ANK2: variants seen among roughly 807,000 people sequenced by gnomAD.
The protein encoded by ANK2 is ankyrin 2.
In ANK2, 83 loss-of-function variants were observed where a neutral mutation model predicts 360.5. The observed-to-expected ratio is 0.23, with a 90% confidence interval of 0.19 to 0.28. The LOEUF (loss-of-function observed/expected upper bound fraction) is 0.28, where lower values mean the gene tolerates loss of function less well. Among genes scored for constraint, ANK2 ranks in the 10% least tolerant of loss-of-function variants. ANK2 has a pLI of 1.00. For missense variants in ANK2, 4,201 were observed against 4,795.7 expected (o/e 0.88, Z 3.66); for synonymous variants, 1,740 against 1,759.5 (o/e 0.99, Z 0.28).
At position 113,287,691 on chromosome 4, in the gene ANK2, T is replaced by C. The variant is rs770403560; in HGVS notation, c.2166T>C (p.Asp722=). Residue 722 remains aspartate (D), a synonymous_variant, in exon 19 of 46, where the codon GAT becomes GAC. Coordinates refer to ENST00000357077, the MANE Select transcript of ANK2 (RefSeq NM_001148.6). ...DILTKHGADQ[D]AHTKLGYTPL... ...TCACCAAGCATGGAGCTGATCAGGA[T>C]GCTCATACAAAGGTAAAGCAAATCA... is the stretch of plus-strand genomic sequence containing the variant. The C allele has an allele frequency of 1.2e-6, 2 of 1,610,596 alleles. No individual in the cohort carries two copies. Among genetic ancestry groups the C allele is most frequent in the South Asian group, 1.1e-5 (1 of 91,014 alleles).
At chr4:113,247,535 A>G (rs1481903660) in intron 9 of ANK2, among the ~76,000 whole-genome samples, 1 of 152,220 alleles carries the variant, frequency 6.6e-6, no homozygotes, top group Non-Finnish European at 1.5e-5. Context: ...TGGATGTTTC[A>G]ACATGATTAC....
Position 112,852,608 on chromosome 4 carries a change from C to T in ANK2, c.-40+34344C>T, listed in dbSNP as rs112664161. Among the ~76,000 whole-genome samples the T allele has an allele frequency of 6.1e-3, 922 of 152,174 alleles. 7 individuals carry two copies. Among genetic ancestry groups the T allele is most frequent in the African/African-American group, 0.021 (862 of 41,526 alleles). On this transcript the variant is annotated intron_variant, in intron 1 of 30. Coordinates refer to the ANK2 transcript ENST00000503271. ...GAAGTTAAATATCTAGGGGAAGATA[C>T]GAGTCTTAAAAAACAACAAACATTT...
At chr4:112,745,266 C>CT in the ANK2 span, among the ~76,000 whole-genome samples, 876 of 152,188 alleles carry the variant, frequency 5.8e-3, 10 homozygotes, top group Non-Finnish European at 8.6e-3. Context: ...AACTATCATT[C>CT]TTTTTTAAAT....
chr4:113,081,811 AT>A (rs34896741), intron 1 of ANK2, among the ~76,000 whole-genome samples: 2,534 of 143,170 alleles, frequency 0.018, 40 homozygotes, highest in African/African-American at 0.045. Context: ...GAAAACACGT[AT>A]TTTTTTTTTT....
chr4:113,248,095 A>G (rs142473850), intron 9 of ANK2, among the ~76,000 whole-genome samples: 18 of 152,328 alleles, frequency 1.2e-4, no homozygotes, highest in Admixed American at 3.3e-4. Context: ...TAGGTACCCA[A>G]AACTGCAAAA....
chr4:112,842,551 C>T (rs921942018), intron 1 of ANK2, among the ~76,000 whole-genome samples: 11 of 152,204 alleles, frequency 7.2e-5, no homozygotes, highest in African/African-American at 2.7e-4. Context: ...CACAGATCAT[C>T]AGGCATTAGT....
chr4:113,358,912 G>A lies in ANK2; in HGVS notation c.10294G>A (p.Ala3432Thr). 2.5e-6 allele frequency: 4 copies of A among 1,613,770 alleles called. No homozygotes were observed. The highest frequency in any genetic ancestry group is 3.4e-6 in the Non-Finnish European group (4 of 1,179,872). Residue 3432 changes from alanine to threonine, a missense_variant, in exon 38 of 46, where the codon GCC becomes ACC. Coordinates refer to ENST00000357077, the MANE Select transcript of ANK2 (RefSeq NM_001148.6). ...ACTTGAGTTAGAATCAGAAGAAGGGGCCACAAGACCAAAGATACTTACATC... is the reference window on the plus strand; with the variant it reads ...ACTTGAGTTAGAATCAGAAGAAGGGACCACAAGACCAAAGATACTTACATC... ...EELELESEEG[A>T]TRPKILTSRL... is the part of the protein sequence containing the mutation.
At chr4:113,144,263 G>C (rs1309171404) in intron 1 of ANK2, among the ~76,000 whole-genome samples, 1 of 152,116 alleles carries the variant, frequency 6.6e-6, no homozygotes, top group African/African-American at 2.4e-5. Context: ...ATAAACGCTG[G>C]AATGAAGAGT....
the ANK2 span, among the ~76,000 whole-genome samples, chr4:112,795,085 A>G: frequency 2.0e-5 from 3 of 152,142 alleles, no homozygotes; most frequent in Admixed American, 2.0e-4. Flanking sequence ...CTTCTTTTGG[A>G]TTCCTTTGGA....
chr4:112,729,500 A>G, the ANK2 span, among the ~76,000 whole-genome samples: 4 of 152,180 alleles, frequency 2.6e-5, no homozygotes, highest in African/African-American at 9.6e-5. Context: ...TAAGGCCTAT[A>G]ATCCCAGCAC....
chr4:112,892,665 A>G (rs2080420993), intron 1 of ANK2, among the ~76,000 whole-genome samples: 1 of 152,224 alleles, frequency 6.6e-6, no homozygotes, highest in Non-Finnish European at 1.5e-5. Context: ...ATGTACTGCT[A>G]TTAGAAAATA....
the ANK2 span, among the ~76,000 whole-genome samples, chr4:112,725,561 T>C: frequency 1.3e-5 from 2 of 151,966 alleles, no homozygotes; most frequent in South Asian, 4.2e-4. Flanking sequence ...GGTTTCACCA[T>C]GTTGGCTAGG....
intron 1 of ANK2, among the ~76,000 whole-genome samples, chr4:112,836,440 T>C (rs144169887): frequency 1.1e-4 from 17 of 152,308 alleles, no homozygotes; most frequent in African/African-American, 3.8e-4. Flanking sequence ...AATGATAACC[T>C]GAAAATGTGG....
At chr4:113,053,211 T>C (rs928480083) in intron 1 of ANK2, among the ~76,000 whole-genome samples, 1 of 152,118 alleles carries the variant, frequency 6.6e-6, no homozygotes, top group African/African-American at 2.4e-5. Context: ...CTCCTGTGGG[T>C]CAGTGGCTGC....
chr4:112,920,320 A>T (rs1487275223), intron 2 of ANK2, among the ~76,000 whole-genome samples: 1 of 152,176 alleles, frequency 6.6e-6, no homozygotes, highest in Admixed American at 6.5e-5. Flanking sequence ...ACAACTACTG[A>T]GATGGTTTTA....
chr4:113,048,386 G>A (rs544104628), upstream of ANK2, among the ~76,000 whole-genome samples: 20 of 132,052 alleles, frequency 1.5e-4, no homozygotes, highest in South Asian at 3.0e-3. Context: ...TTCGCCTCCC[G>A]AGTTCAAGCA....
At chr4:113,265,431 C>A (rs2055413911) in intron 14 of ANK2, among the ~76,000 whole-genome samples, 1 of 152,136 alleles carries the variant, frequency 6.6e-6, no homozygotes, top group African/African-American at 2.4e-5. Flanking sequence ...AAGTTATTCT[C>A]CAAGTTTTAG....
At chr4:113,185,067 GGT>G (rs2098491622) in intron 2 of ANK2, among the ~76,000 whole-genome samples, 1 of 152,114 alleles carries the variant, frequency 6.6e-6, no homozygotes, top group Admixed American at 6.5e-5. Context: ...AGTATTCCAT[GGT>G]GTATATGTGC....
Position 113,292,549 on chromosome 4 carries a change from C to T in ANK2, c.2376+35C>T, listed in dbSNP as rs72556366. On this transcript the variant is annotated intron_variant, in intron 21 of 45. Coordinates refer to ENST00000357077, the MANE Select transcript of ANK2 (RefSeq NM_001148.6). ...ACGCCACTGCCCCTCACCACGCTTT[C>T]TTCTTTTTCCTCTCTTGCCCTGGTG... is the stretch of plus-strand genomic sequence containing the variant. 14,588 of 1,541,388 alleles carry T rather than the reference C, an allele frequency of 9.5e-3. 88 individuals are homozygous for T. Among genetic ancestry groups the T allele is most frequent in the Middle Eastern group, 0.015 (91 of 5,940 alleles).
Sources: gnomAD v4.1 joint callset for allele counts (sites outside exome capture counted in the v4.1 genomes callset) on GRCh38, gnomAD v4.1.1 for gene constraint, MANE v1.5 for transcripts, NCBI Gene and HGNC (gene_info 2026-07-23, HGNC 2026-07-21) for gene names.